MGAT5: variants seen among roughly 807,000 people sequenced by gnomAD.
The protein encoded by MGAT5 is alpha-1,6-mannosylglycoprotein 6-beta-N-acetylglucosaminyltransferase A.
Under a neutral mutation model 94.3 loss-of-function variants are expected in MGAT5, and 30 were observed. The ratio of observed to expected loss-of-function variants is 0.32; its 90% confidence interval spans 0.24 to 0.43. The LOEUF (loss-of-function observed/expected upper bound fraction) is 0.43. Among genes scored for constraint, MGAT5 ranks in the 20% least tolerant of loss-of-function variants. The probability of loss-of-function intolerance (pLI) is 1.00; values close to 1 mark genes in which losing one functional copy is unlikely to be tolerated. For synonymous variants in MGAT5, 310 were observed against 322.9 expected (o/e 0.96, Z 0.43); for missense variants, 691 against 905.5 (o/e 0.76, Z 3.04).
intron 1 of MGAT5, among the ~76,000 whole-genome samples, chr2:134,190,464 A>G (rs547734138): frequency 7.2e-4 from 109 of 152,170 alleles, no homozygotes; most frequent in Middle Eastern, 3.4e-3. Context: ...GAGTATTTTC[A>G]TTTTATCTGA....
At chr2:134,284,618 C>A (rs188334035) in intron 2 of MGAT5, among the ~76,000 whole-genome samples, 5 of 150,838 alleles carry the variant, frequency 3.3e-5, no homozygotes, top group African/African-American at 9.7e-5. Flanking sequence ...ATGGAGAGAT[C>A]GCTGTGTCCC....
intron 2 of MGAT5, among the ~76,000 whole-genome samples, chr2:134,301,832 C>T (rs1245335455): frequency 6.6e-6 from 1 of 152,134 alleles, no homozygotes; most frequent in African/African-American, 2.4e-5. Flanking sequence ...TGTCAGTTCG[C>T]TTTTGGTTTT....
chr2:134,312,755 G>A (rs1686752436), intron 2 of MGAT5, among the ~76,000 whole-genome samples: 1 of 152,140 alleles, frequency 6.6e-6, no homozygotes, highest in African/African-American at 2.4e-5. Flanking sequence ...GTGGCAGGCA[G>A]CAGATGCCCA....
chr2:134,365,722 T>C (rs1056688253), intron 10 of MGAT5, among the ~76,000 whole-genome samples: 3 of 152,256 alleles, frequency 2.0e-5, no homozygotes, highest in Admixed American at 2.0e-4. Context: ...CTGGCAGCTT[T>C]CTTTTCCCAG....
chr2:134,330,463 A>G (rs1687893362), intron 4 of MGAT5, among the ~76,000 whole-genome samples: 1 of 152,082 alleles, frequency 6.6e-6, no homozygotes, highest in African/African-American at 2.4e-5. Flanking sequence ...GAGAAGTTAT[A>G]GTGGCAAATT....
At chr2:134,348,908 C>T (rs1181698978) in intron 8 of MGAT5, among the ~76,000 whole-genome samples, 1 of 152,162 alleles carries the variant, frequency 6.6e-6, no homozygotes, top group African/African-American at 2.4e-5. Context: ...CTGAAAAGAG[C>T]CAGCCAGTAA....
chr2:134,208,794 A>T (rs1321032659), intron 1 of MGAT5, among the ~76,000 whole-genome samples: 4 of 152,190 alleles, frequency 2.6e-5, no homozygotes, highest in Non-Finnish European at 4.4e-5. Context: ...TTACCCACCT[A>T]TGTGGCCTTT....
At chr2:134,200,710 G>A (rs969054169) in intron 1 of MGAT5, among the ~76,000 whole-genome samples, 4 of 152,102 alleles carry the variant, frequency 2.6e-5, no homozygotes, top group Admixed American at 2.0e-4. Flanking sequence ...TGGAGCCTAT[G>A]TTCTGGTAAA....
chr2:134,265,681 C>G (rs2105598669), intron 1 of MGAT5, among the ~76,000 whole-genome samples: 1 of 152,142 alleles, frequency 6.6e-6, no homozygotes, highest in South Asian at 2.1e-4. Context: ...CTTTGAAGCA[C>G]AAACAAAATT....
intron 1 of MGAT5, among the ~76,000 whole-genome samples, chr2:134,219,001 T>C (rs1680625823): frequency 6.6e-6 from 1 of 152,142 alleles, no homozygotes; most frequent in Admixed American, 6.5e-5. Context: ...ATGAGTAAGA[T>C]CCCAGTCCTA....
intron 5 of MGAT5, among the ~76,000 whole-genome samples, chr2:134,337,019 G>A (rs62168058): frequency 0.16 from 23,984 of 152,178 alleles, 2,073 homozygotes; most frequent in Middle Eastern, 0.36. Flanking sequence ...TTCTGCCATT[G>A]TAGCGCAGAG....
In MGAT5 at chr2:134,305,771, C is replaced by T. The variant is rs116723465; in HGVS notation, c.407-11758C>T. 7.6e-3 allele frequency among the ~76,000 whole-genome samples: 1,150 copies of T among 152,222 alleles called. 12 individuals are homozygous for T. Among genetic ancestry groups the T allele is most frequent in the African/African-American group, 0.026 (1,095 of 41,536 alleles). ...GTAAGTTATCTGTGTAACACCCTTT[C>T]CTTCTTCTAGTAAACTGCATGTGAG... On this transcript the variant is annotated intron_variant, in intron 2 of 15. Transcript: ENST00000281923.
In MGAT5 at chr2:134,254,622, C is replaced by T. The variant is rs778972339; in HGVS notation, c.219C>T (p.Tyr73=). The T allele has an allele frequency of 4.0e-5, 64 of 1,614,080 alleles. No homozygotes were observed. Among genetic ancestry groups the T allele is most frequent in the African/African-American group, 5.3e-5 (4 of 74,938 alleles). The change falls in exon 1 of 16, where the codon TAC becomes TAT. Residue 73 remains tyrosine, a synonymous_variant. Transcript: ENST00000281923. ...EENRNVVDGP[Y]AGVMTAYDLK... ...ACAGGAATGTGGTGGATGGGCCATA[C>T]GCTGGAGTCATGACAGCTTATGGTA...
At chr2:134,362,686 C>A (rs561270569) in intron 10 of MGAT5, among the ~76,000 whole-genome samples, 1 of 152,348 alleles carries the variant, frequency 6.6e-6, no homozygotes, top group South Asian at 2.1e-4. Flanking sequence ...CTTGTACTTG[C>A]TTCTGAGAGC....
chr2:134,303,047 CGTTTACACAAAG>C (rs1686119613), intron 2 of MGAT5, among the ~76,000 whole-genome samples: 1 of 152,116 alleles, frequency 6.6e-6, no homozygotes, highest in South Asian at 2.1e-4. Flanking sequence ...TCTGGGCATC[CGTTTACACAAAG>C]GTTCGCCTAC....
chr2:134,391,178 G>A (rs1682380644), intron 10 of MGAT5, among the ~76,000 whole-genome samples: 2 of 152,086 alleles, frequency 1.3e-5, no homozygotes, highest in Admixed American at 1.3e-4. Context: ...CTGGGGATGG[G>A]GATTGAGTGC....
chr2:134,257,851 T>TTTTTTTC (rs1558737851), intron 1 of MGAT5, among the ~76,000 whole-genome samples: 1 of 150,466 alleles, frequency 6.6e-6, no homozygotes, highest in East Asian at 1.9e-4. Context: ...TTTTTTTTTT[T>TTTTTTTC]TTTTGCCATA....
chr2:134,213,097 C>T (rs1286642520), intron 1 of MGAT5, among the ~76,000 whole-genome samples: 2 of 152,176 alleles, frequency 1.3e-5, no homozygotes, highest in Admixed American at 6.5e-5. Context: ...GTCTTTGCTG[C>T]TGACTTGGGT....
chr2:134,179,637 C>T lies in MGAT5; in HGVS notation c.-143+59346C>T, dbSNP rs545895869. On this transcript the variant is annotated intron_variant, in intron 1 of 16. Coordinates refer to the MGAT5 transcript ENST00000409645. Reference sequence around the variant, plus strand: ...CAGGGTCACCCGTAGGATCGGAACCCAGGCAGTCTGGTCCCCAACCCTTTA... The same window carrying T: ...CAGGGTCACCCGTAGGATCGGAACCTAGGCAGTCTGGTCCCCAACCCTTTA... Among the ~76,000 whole-genome samples the T allele has an allele frequency of 2.6e-5, 4 of 152,308 alleles. No individual in the cohort carries two copies. The South Asian group carries it at 8.3e-4, about 32-fold the overall frequency.
Sources: gnomAD v4.1 joint callset for allele counts (sites outside exome capture counted in the v4.1 genomes callset) on GRCh38, gnomAD v4.1.1 for gene constraint, MANE v1.5 for transcripts, NCBI Gene and HGNC (gene_info 2026-07-23, HGNC 2026-07-21) for gene names.